Variants in PAK5 observed in about 807,000 individuals in gnomAD.
PAK5 encodes the protein serine/threonine-protein kinase PAK 5.
PAK5 carries 16 observed loss-of-function variants against 65.9 expected under a neutral mutation model. That is an observed-to-expected ratio of 0.24 (90% CI 0.16 to 0.37). The LOEUF is 0.37. Among genes scored for constraint, PAK5 ranks in the 10% least tolerant of loss-of-function variants. The probability of loss-of-function intolerance (pLI) is 1.00; values close to 1 mark genes in which losing one functional copy is unlikely to be tolerated. For missense variants in PAK5, 785 were observed against 903.9 expected (o/e 0.87, Z 1.69); for synonymous variants, 371 against 354.9 (o/e 1.05, Z -0.51).
At chr20:9,544,702 A>G (rs1156379370) in intron 7 of PAK5, among the ~76,000 whole-genome samples, 5 of 152,198 alleles carry the variant, frequency 3.3e-5, no homozygotes, top group African/African-American at 1.2e-4. Flanking sequence ...ACCAGGATCA[A>G]CTTCCAAATG....
chr20:9,800,535 A>T (rs191352333), intron 1 of PAK5, among the ~76,000 whole-genome samples: 1 of 152,164 alleles, frequency 6.6e-6, no homozygotes. Context: ...GTTTTGACAG[A>T]ATGATAAATA....
intron 3 of PAK5, among the ~76,000 whole-genome samples, chr20:9,624,174 T>C (rs2046810141): frequency 6.6e-6 from 1 of 152,168 alleles, no homozygotes; most frequent in Non-Finnish European, 1.5e-5. Context: ...AACATACTTA[T>C]CTCAAAATTT....
At chr20:9,666,006 T>G (rs2047412110) in intron 2 of PAK5, among the ~76,000 whole-genome samples, 1 of 152,094 alleles carries the variant, frequency 6.6e-6, no homozygotes, top group South Asian at 2.1e-4. Context: ...CTTTAATGTA[T>G]AGGATGTTGT....
At chr20:9,608,674 C>A (rs2046500963) in intron 3 of PAK5, among the ~76,000 whole-genome samples, 2 of 152,180 alleles carry the variant, frequency 1.3e-5, no homozygotes, top group Admixed American at 6.5e-5. Flanking sequence ...GTGCAATGTG[C>A]ACATATTCTG....
chr20:9,775,490 A>G (rs2048878100), intron 1 of PAK5, among the ~76,000 whole-genome samples: 1 of 152,204 alleles, frequency 6.6e-6, no homozygotes, highest in Admixed American at 6.5e-5. Flanking sequence ...GCAACTACAG[A>G]TGAGCCTTGT....
At chr20:9,715,099 T>C (rs1386756145) in intron 1 of PAK5, among the ~76,000 whole-genome samples, 1 of 151,988 alleles carries the variant, frequency 6.6e-6, no homozygotes, top group African/African-American at 2.4e-5. Flanking sequence ...ACCATCAGAG[T>C]GAACAGGCAA....
intron 1 of PAK5, among the ~76,000 whole-genome samples, chr20:9,788,754 T>G (rs747585225): frequency 3.7e-4 from 57 of 152,280 alleles, no homozygotes; most frequent in Non-Finnish European, 7.8e-4. Context: ...ATTCTTCTTG[T>G]CTTGGATAAC....
At chr20:9,553,681 T>G (rs1409204315) in intron 7 of PAK5, among the ~76,000 whole-genome samples, 1 of 152,312 alleles carries the variant, frequency 6.6e-6, no homozygotes, top group East Asian at 1.9e-4. Context: ...GTGTATCAAT[T>G]GTTTGTTTTT....
chr20:9,837,182 C>T (rs1009549496), intron 1 of PAK5, among the ~76,000 whole-genome samples: 7 of 152,216 alleles, frequency 4.6e-5, no homozygotes, highest in Non-Finnish European at 1.0e-4. Context: ...TACCAAGGAA[C>T]TTGCCATTGG....
At chr20:9,711,808 T>A (rs549129970) in intron 1 of PAK5, among the ~76,000 whole-genome samples, 1 of 152,172 alleles carries the variant, frequency 6.6e-6, no homozygotes, top group Non-Finnish European at 1.5e-5. Context: ...TTCAATACAG[T>A]CAATTCTTGA....
At chr20:9,554,080 T>C (rs996980288) in intron 7 of PAK5, among the ~76,000 whole-genome samples, 1 of 152,224 alleles carries the variant, frequency 6.6e-6, no homozygotes, top group Admixed American at 6.5e-5. Flanking sequence ...GCCAATGATG[T>C]TGAACATCTT....
chr20:9,541,600 T>C (rs901306625), intron 9 of PAK5, among the ~76,000 whole-genome samples: 1 of 152,140 alleles, frequency 6.6e-6, no homozygotes, highest in Non-Finnish European at 1.5e-5. Flanking sequence ...GACCTTTTTC[T>C]CCAAGATCTT....
At position 9,539,635 on chromosome 20, in the gene PAK5, T is replaced by C; in HGVS notation, c.2005-18A>G. ...GAAGAAACCTGTGAAAACACACAGA[T>C]ACCAATCTGAGGACTAACACAGACA... On this transcript the variant is annotated intron_variant, in intron 9 of 9. Coordinates refer to ENST00000353224, the MANE Select transcript of PAK5 (RefSeq NM_177990.4). 1.2e-6 allele frequency: 2 copies of C among 1,611,056 alleles called. No homozygotes were observed. Among genetic ancestry groups the C allele is most frequent in the Admixed American group, 1.7e-5 (1 of 60,002 alleles).
chr20:9,782,316 A>G (rs763894408), intron 1 of PAK5, among the ~76,000 whole-genome samples: 10 of 151,978 alleles, frequency 6.6e-5, no homozygotes, highest in Non-Finnish European at 1.0e-4. Context: ...CCCTCCCACC[A>G]CTATACTCCA....
At chr20:9,834,187 A>T (rs924564043) in intron 1 of PAK5, among the ~76,000 whole-genome samples, 1 of 152,206 alleles carries the variant, frequency 6.6e-6, no homozygotes, top group Admixed American at 6.5e-5. Context: ...GTTTATTTTT[A>T]AAAATCACCC....
intron 1 of PAK5, among the ~76,000 whole-genome samples, chr20:9,740,270 C>G (rs559329442): frequency 1.3e-5 from 2 of 152,190 alleles, no homozygotes; most frequent in South Asian, 4.2e-4. Context: ...TGTGAAGGCT[C>G]TAAATACCAG....
chr20:9,554,659 C>T lies in PAK5; in HGVS notation c.1743+2949G>A, dbSNP rs537698179. 4.3e-4 allele frequency among the ~76,000 whole-genome samples: 65 copies of T among 152,294 alleles called. No homozygotes were observed. In the South Asian group the frequency reaches 5.4e-3, roughly 13 times the overall value. ...ATATAATGTTGTACACTAATAGACT[C>T]ATATAATAACACACTCTAAGCCTTT... On this transcript the variant is annotated intron_variant, in intron 7 of 9. Coordinates refer to ENST00000353224, the MANE Select transcript of PAK5 (RefSeq NM_177990.4).
intron 1 of PAK5, among the ~76,000 whole-genome samples, chr20:9,831,638 G>A (rs1279396307): frequency 6.6e-6 from 1 of 152,102 alleles, no homozygotes; most frequent in Admixed American, 6.5e-5. Context: ...CTCCTGAGTA[G>A]CTGAAATCAG....
intron 1 of PAK5, among the ~76,000 whole-genome samples, chr20:9,799,006 C>T (rs1055613774): frequency 2.0e-5 from 3 of 151,788 alleles, no homozygotes; most frequent in Admixed American, 2.0e-4. Context: ...TGCATAAATG[C>T]AAAGAAGGGA....
Sources: gnomAD v4.1 joint callset for allele counts (sites outside exome capture counted in the v4.1 genomes callset) on GRCh38, gnomAD v4.1.1 for gene constraint, MANE v1.5 for transcripts, NCBI Gene and HGNC (gene_info 2026-07-23, HGNC 2026-07-21) for gene names.